The following MALRD1 variants were observed in gnomAD, a reference collection of about 807,000 sequenced individuals.
MALRD1 encodes MAM and LDL receptor class A domain containing 1.
MALRD1 carries 247 observed loss-of-function variants against 242.1 expected under a neutral mutation model. The observed-to-expected ratio is 1.02, with a 90% CI of 0.92 to 1.13. The LOEUF (loss-of-function observed/expected upper bound fraction) is 1.13. Ranked by LOEUF, MALRD1 falls within the 50% of genes most tolerant of loss-of-function variation. MALRD1 has a pLI of 0.00. For missense variants in MALRD1, 2,989 were observed against 2,533.1 expected (o/e 1.18, Z -3.86); for synonymous variants, 995 against 866.6 (o/e 1.15, Z -2.60).
chr10:19,601,738 C>T (rs2131577891), intron 34 of MALRD1, among the ~76,000 whole-genome samples: 1 of 151,924 alleles, frequency 6.6e-6, no homozygotes, highest in African/African-American at 2.4e-5. Flanking sequence ...AAATAAGTTA[C>T]CAGTCACAGT....
At chr10:19,189,221 G>A (rs1277923126) in intron 14 of MALRD1, among the ~76,000 whole-genome samples, 2 of 151,982 alleles carry the variant, frequency 1.3e-5, no homozygotes. Context: ...ATAATAAACA[G>A]ATTCCTAGAA....
chr10:19,365,640 T>C (rs981553656), intron 26 of MALRD1, among the ~76,000 whole-genome samples: 1 of 147,388 alleles, frequency 6.8e-6, no homozygotes, highest in African/African-American at 2.5e-5. Flanking sequence ...GTCTGATAAT[T>C]GACATGTTTT....
intron 29 of MALRD1, among the ~76,000 whole-genome samples, chr10:19,477,861 G>C (rs911928431): frequency 6.6e-6 from 1 of 152,080 alleles, no homozygotes; most frequent in African/African-American, 2.4e-5. Flanking sequence ...GTCTCTAACT[G>C]GCCTTCACCA....
chr10:19,603,823 C>T (rs1838480809), intron 34 of MALRD1, among the ~76,000 whole-genome samples: 1 of 152,108 alleles, frequency 6.6e-6, no homozygotes, highest in Non-Finnish European at 1.5e-5. Context: ...GATGTTACTA[C>T]TGTAATTGTT....
chr10:19,454,433 A>ATATATAT (rs1835523396), intron 29 of MALRD1, among the ~76,000 whole-genome samples: 2 of 55,430 alleles, frequency 3.6e-5, no homozygotes, highest in East Asian at 4.4e-4. Flanking sequence ...TATATATATA[A>ATATATAT]TTATATGATA....
chr10:19,609,449 T>A (rs984086796), intron 35 of MALRD1, among the ~76,000 whole-genome samples: 3 of 152,118 alleles, frequency 2.0e-5, no homozygotes, highest in Admixed American at 2.0e-4. Flanking sequence ...GATTTGTCAA[T>A]GTACATTACA....
intron 32 of MALRD1, among the ~76,000 whole-genome samples, chr10:19,566,004 C>T (rs1377949350): frequency 1.3e-5 from 2 of 152,100 alleles, no homozygotes; most frequent in African/African-American, 4.8e-5. Context: ...ACACTAGCAG[C>T]ATTCTTATCT....
In MALRD1 at chr10:19,716,190, C is replaced by T. The variant is rs75755765; in HGVS notation, c.6315-14516C>T. On this transcript the variant is annotated intron_variant, in intron 38 of 39. Coordinates refer to ENST00000454679, the MANE Select transcript of MALRD1 (RefSeq NM_001142308.3). ...AAACACATTCAACCTCACACAGATA[C>T]GTATTTTTTAAAAGGAGGTGGTATG... 2.5e-3 allele frequency among the ~76,000 whole-genome samples: 380 copies of T among 152,292 alleles called. 10 individuals carry two copies. The East Asian group carries it at 0.052, about 21-fold the overall frequency.
chr10:19,541,326 G>A (rs923318510), intron 32 of MALRD1, among the ~76,000 whole-genome samples: 6 of 152,124 alleles, frequency 3.9e-5, no homozygotes, highest in South Asian at 2.1e-4. Context: ...TGCATAAAAC[G>A]TAGGGAGATG....
At chr10:19,693,308 T>C (rs1355199076) in intron 38 of MALRD1, among the ~76,000 whole-genome samples, 2 of 151,960 alleles carry the variant, frequency 1.3e-5, no homozygotes, top group Non-Finnish European at 1.5e-5. Flanking sequence ...GACGACATGA[T>C]TGTATATCTA....
At position 19,567,700 on chromosome 10, in the gene MALRD1, G is replaced by A; in HGVS notation, c.5677G>A (p.Gly1893Arg). The A allele has an allele frequency of 6.5e-7, 1 of 1,549,796 alleles. No individual in the cohort carries two copies. Among genetic ancestry groups the A allele is most frequent in the East Asian group, 2.4e-5 (1 of 40,888 alleles). Residue 1893 changes from glycine (G) to arginine (R), a missense_variant, in exon 33 of 40, where the codon GGA becomes AGA. Gly to Arg is a moderately radical substitution (Grantham distance 125). Coordinates refer to ENST00000454679, the MANE Select transcript of MALRD1 (RefSeq NM_001142308.3). The part of the protein sequence containing the change: ...DISFTPECVT[G>R]GPVPVQPSPC... ...CTCTTTTACCCCAGAGTGTGTGACT[G>A]GAGGTAAGTGATTCTTTCAGAAAAT...
intron 18 of MALRD1, among the ~76,000 whole-genome samples, chr10:19,222,236 T>TA (rs1397836687): frequency 1.3e-5 from 2 of 152,066 alleles, no homozygotes; most frequent in Non-Finnish European, 1.5e-5. Flanking sequence ...TTTCTGCTCA[T>TA]AGATACTGCC....
chr10:19,720,031 G>T (rs928330), intron 38 of MALRD1, among the ~76,000 whole-genome samples: 141 of 152,192 alleles, frequency 9.3e-4, no homozygotes, highest in Non-Finnish European at 1.6e-3. Context: ...ATTACCTTAT[G>T]ACTCTGTGCA....
intron 24 of MALRD1, among the ~76,000 whole-genome samples, chr10:19,344,053 A>G (rs1053669095): frequency 3.9e-5 from 6 of 152,090 alleles, no homozygotes; most frequent in Admixed American, 2.0e-4. Flanking sequence ...CATTATGGGT[A>G]TAAGTCTTTT....
At chr10:19,247,533 AT>A (rs1839114548) in intron 18 of MALRD1, among the ~76,000 whole-genome samples, 1 of 151,728 alleles carries the variant, frequency 6.6e-6, no homozygotes, top group African/African-American at 2.4e-5. Context: ...GATGAACTAA[AT>A]TCCCCCACCC....
At chr10:19,527,063 C>T (rs369538101) in intron 31 of MALRD1, among the ~76,000 whole-genome samples, 1 of 152,096 alleles carries the variant, frequency 6.6e-6, no homozygotes, top group South Asian at 2.1e-4. Flanking sequence ...TTACTGTTTC[C>T]ATCTGTGTGC....
intron 28 of MALRD1, 116 bp downstream of exon 28, chr10:19,389,725 C>A: frequency 8.8e-7 from 1 of 1,132,170 alleles, no homozygotes; most frequent in Non-Finnish European, 1.2e-6. Flanking sequence ...CTGCAGCCTC[C>A]AACTCCTGGA....
chr10:19,306,374 ACCG>A (rs1842201968), intron 21 of MALRD1, among the ~76,000 whole-genome samples: 2 of 122,214 alleles, frequency 1.6e-5, no homozygotes, highest in Non-Finnish European at 3.4e-5. Flanking sequence ...TCGTATATAT[ACCG>A]TGTATAGTAT....
intron 14 of MALRD1, among the ~76,000 whole-genome samples, chr10:19,184,075 T>C (rs1044636795): frequency 6.6e-6 from 1 of 152,214 alleles, no homozygotes; most frequent in Non-Finnish European, 1.5e-5. Flanking sequence ...AGGGACAGGC[T>C]GCAGGGTGAA....
Sources: allele counts gnomAD v4.1 joint callset (sites outside exome capture counted in the v4.1 genomes callset), GRCh38; gene constraint gnomAD v4.1.1; transcripts MANE v1.5; gene names NCBI Gene and HGNC (gene_info 2026-07-23, HGNC 2026-07-21).